RAB6A: variants seen among roughly 807,000 people sequenced by gnomAD.
RAB6A encodes RAB6A, member RAS oncogene family, also known as ras-related protein Rab-6A.
A neutral mutation model predicts 32.3 loss-of-function variants in RAB6A; 8 were observed. The ratio of observed to expected loss-of-function variants is 0.25; its 90% confidence interval spans 0.15 to 0.45. The LOEUF is 0.45. Ranked by LOEUF, RAB6A falls within the 20% of genes least tolerant of loss-of-function variation. The probability of loss-of-function intolerance (pLI) is 1.00; values close to 1 mark genes in which losing one functional copy is unlikely to be tolerated. For missense variants in RAB6A, 104 were observed against 249.4 expected, an observed-to-expected ratio of 0.42 and a Z score of 3.93; for synonymous variants, 73 against 82.1, an observed-to-expected ratio of 0.89 and a Z score of 0.60.
chr11:73,714,715 C>T (rs1449778037), intron 5 of RAB6A, among the ~76,000 whole-genome samples: 1 of 151,966 alleles, frequency 6.6e-6, no homozygotes, highest in African/African-American at 2.4e-5. Context: ...GTGGCTCACG[C>T]CTGGCACTTT....
Position 73,706,316 on chromosome 11 carries a change from C to A in RAB6A, c.495+1104G>T, listed in dbSNP as rs1343630219. The stretch of plus-strand genomic sequence containing the variant: ...AGATCACGAGGTCAGGAGATTGAGA[C>A]CATCCTGGCTAACACAGTGAAACCC... On this transcript the variant is annotated intron_variant, in intron 6 of 7. Coordinates refer to ENST00000336083, the MANE Select transcript of RAB6A (RefSeq NM_198896.2). Among the ~76,000 whole-genome samples the A allele has an allele frequency of 2.7e-4, 41 of 151,784 alleles. 2 individuals carry two copies. The highest frequency in any genetic ancestry group is 2.7e-3 in the Admixed American group (41 of 15,228).
At chr11:73,694,451 T>C (rs1395384501) in intron 6 of RAB6A, among the ~76,000 whole-genome samples, 1 of 152,226 alleles carries the variant, frequency 6.6e-6, no homozygotes, top group Non-Finnish European at 1.5e-5. Context: ...GGAGTATTTT[T>C]TATATGGAAA....
chr11:73,735,937 A>AAAAGG (rs56012322), intron 1 of RAB6A, among the ~76,000 whole-genome samples: 1 of 123,556 alleles, frequency 8.1e-6, no homozygotes, highest in Non-Finnish European at 1.7e-5. Flanking sequence ...AAAAAAAAAA[A>AAAAGG]AGAGAGAGAG....
At chr11:73,736,977 CAAAAA>C (rs535172648) in intron 1 of RAB6A, among the ~76,000 whole-genome samples, 6 of 64,934 alleles carry the variant, frequency 9.2e-5, no homozygotes, top group Non-Finnish European at 1.7e-4. Context: ...GACACTGTCT[CAAAAA>C]AAAAAAAAAA....
At chr11:73,718,012 C>T (rs1399239559) in intron 4 of RAB6A, among the ~76,000 whole-genome samples, 3 of 152,154 alleles carry the variant, frequency 2.0e-5, no homozygotes, top group African/African-American at 7.2e-5. Flanking sequence ...AGTTGTTTCA[C>T]CTCCTATTTA....
intron 6 of RAB6A, among the ~76,000 whole-genome samples, chr11:73,701,799 TG>T (rs1171816476): frequency 6.6e-6 from 1 of 152,068 alleles, no homozygotes; most frequent in Non-Finnish European, 1.5e-5. Context: ...ACTACCACGC[TG>T]GGTTAATTTC....
intron 6 of RAB6A, among the ~76,000 whole-genome samples, chr11:73,685,332 A>G (rs1470333385): frequency 1.6e-5 from 2 of 122,976 alleles, no homozygotes; most frequent in Admixed American, 1.1e-4. Flanking sequence ...TCTGTTGCCC[A>G]GGCTGGAGTG....
At position 73,718,723 on chromosome 11, in the gene RAB6A, C is replaced by T. The variant is rs562629020; in HGVS notation, c.184-5G>A. 3.7e-6 allele frequency: 6 copies of T among 1,613,966 alleles called. No homozygotes were observed. Among genetic ancestry groups the T allele is most frequent in the Non-Finnish European group, 5.1e-6 (6 of 1,179,910 alleles). On this transcript the variant is annotated splice_region_variant and splice_polypyrimidine_tract_variant and intron_variant, in intron 3 of 7. Coordinates refer to ENST00000336083, the MANE Select transcript of RAB6A (RefSeq NM_198896.2). ...GTCCCATAATTGCAATCGTACCTAA[C>T]AACAAAATCAGTCAAACAAGCAAGA...
At chr11:73,736,429 CAA>C (rs10714178) in intron 1 of RAB6A, among the ~76,000 whole-genome samples, 2 of 148,802 alleles carry the variant, frequency 1.3e-5, no homozygotes, top group South Asian at 2.1e-4. Flanking sequence ...ACTCTGTCTC[CAA>C]AAAAAAAAGA....
At chr11:73,739,284 A>AAAAAAAAAAAAAAAATAT (rs1208877325) in intron 1 of RAB6A, among the ~76,000 whole-genome samples, 1 of 6,754 alleles carries the variant, frequency 1.5e-4, no homozygotes, top group African/African-American at 3.3e-4. Flanking sequence ...AAAAAAAAAA[A>AAAAAAAAAAAAAAAATAT]ATATATATAT....
At chr11:73,733,353 A>G (rs1356497547) in intron 1 of RAB6A, among the ~76,000 whole-genome samples, 1 of 152,104 alleles carries the variant, frequency 6.6e-6, no homozygotes, top group Non-Finnish European at 1.5e-5. Context: ...GTTTGAGATC[A>G]GCCTGGCCAA....
chr11:73,732,622 G>T (rs1946333200), intron 1 of RAB6A, among the ~76,000 whole-genome samples: 2 of 152,066 alleles, frequency 1.3e-5, no homozygotes, highest in African/African-American at 2.4e-5. Flanking sequence ...AGCCGGGCGT[G>T]GGGGAGTGCG....
chr11:73,677,877 G>T lies in RAB6A; in HGVS notation c.*21C>A. 1.2e-6 allele frequency: 2 copies of T among 1,614,030 alleles called. No homozygotes were observed. Among genetic ancestry groups the T allele is most frequent in the Non-Finnish European group, 1.7e-6 (2 of 1,179,892 alleles). On this transcript the variant is annotated 3_prime_UTR_variant, in exon 8 of 8. Coordinates refer to ENST00000336083, the MANE Select transcript of RAB6A (RefSeq NM_198896.2). Reference sequence around the variant, plus strand: ...GCCAAAGCAGTGAGCTTCTGAAGAAGGTTGAAGATGACATGGGAGATTAGC... The same window carrying T: ...GCCAAAGCAGTGAGCTTCTGAAGAATGTTGAAGATGACATGGGAGATTAGC...
intron 6 of RAB6A, among the ~76,000 whole-genome samples, chr11:73,687,572 G>A (rs946286937): frequency 1.2e-4 from 18 of 152,178 alleles, no homozygotes; most frequent in African/African-American, 3.9e-4. Context: ...AGTACATGGG[G>A]CCAGGCACGG....
At chr11:73,717,836 T>C (rs781260145) in intron 4 of RAB6A, among the ~76,000 whole-genome samples, 1 of 152,256 alleles carries the variant, frequency 6.6e-6, no homozygotes, top group Non-Finnish European at 1.5e-5. Context: ...AACCACTACA[T>C]GTAATAATGT....
At chr11:73,758,956 G>C (rs758993780) in intron 1 of RAB6A, among the ~76,000 whole-genome samples, 1 of 152,136 alleles carries the variant, frequency 6.6e-6, no homozygotes, top group Non-Finnish European at 1.5e-5. Context: ...AAAGGAGGGA[G>C]ATTGTATTTT....
intron 2 of RAB6A, chr11:73,722,273 C>T (rs1249176068): frequency 7.7e-6 from 1 of 129,616 alleles, no homozygotes; most frequent in Non-Finnish European, 1.6e-5. Context: ...CTGATGCTTC[C>T]GTAAATAAAA....
At chr11:73,682,703 A>G (rs1379728401) in intron 6 of RAB6A, among the ~76,000 whole-genome samples, 3 of 152,078 alleles carry the variant, frequency 2.0e-5, no homozygotes, top group Admixed American at 6.6e-5. Context: ...TTGCTCTGTC[A>G]CCCAGGCTGG....
At chr11:73,685,513 T>C (rs1007452372) in intron 6 of RAB6A, among the ~76,000 whole-genome samples, 2 of 144,512 alleles carry the variant, frequency 1.4e-5, no homozygotes, top group African/African-American at 5.1e-5. Context: ...GGTCTCGATC[T>C]CCTGAGCTCA....
Sources: gnomAD v4.1 joint callset for allele counts (sites outside exome capture counted in the v4.1 genomes callset) on GRCh38, gnomAD v4.1.1 for gene constraint, MANE v1.5 for transcripts, NCBI Gene and HGNC (gene_info 2026-07-23, HGNC 2026-07-21) for gene names.